HS3ST4: variants seen among roughly 807,000 people sequenced by gnomAD.
The protein encoded by HS3ST4 is heparan sulfate-glucosamine 3-sulfotransferase 4.
In HS3ST4, 17 loss-of-function variants were observed where a neutral mutation model predicts 29.2. The ratio of observed to expected loss-of-function variants is 0.58; its 90% CI spans 0.40 to 0.87. The LOEUF is 0.87. HS3ST4 is among the 40% of genes least tolerant of loss of function. The pLI, the probability that HS3ST4 is intolerant of heterozygous loss-of-function variation, is 0.00. For synonymous variants in HS3ST4, 314 were observed against 285.7 expected (o/e 1.10, Z -1.00); for missense variants, 627 against 634.5 (o/e 0.99, Z 0.13).
intron 1 of HS3ST4, among the ~76,000 whole-genome samples, chr16:26,081,786 C>CTTTTTTT (rs56169806): frequency 2.4e-5 from 2 of 84,966 alleles, no homozygotes; most frequent in African/African-American, 4.6e-5. Flanking sequence ...GGAGTACATT[C>CTTTTTTT]TTTTTTTTTT....
intron 1 of HS3ST4, among the ~76,000 whole-genome samples, chr16:25,734,902 A>G (rs1400236708): frequency 6.6e-6 from 1 of 152,306 alleles, no homozygotes; most frequent in African/African-American, 2.4e-5. Context: ...TGCTTCCCAC[A>G]TCATTCCTCC....
intron 1 of HS3ST4, among the ~76,000 whole-genome samples, chr16:25,741,365 T>TAAAAAA (rs66788248): frequency 3.0e-4 from 20 of 66,184 alleles, no homozygotes; most frequent in East Asian, 1.2e-3. Flanking sequence ...GAATTCAAGG[T>TAAAAAA]AAAAAAAAAA....
chr16:25,726,952 C>CTGA (rs1477175047), intron 1 of HS3ST4, among the ~76,000 whole-genome samples: 1 of 152,106 alleles, frequency 6.6e-6, no homozygotes, highest in Non-Finnish European at 1.5e-5. Flanking sequence ...CATGGATTCA[C>CTGA]TGATTCTCAG....
intron 1 of HS3ST4, among the ~76,000 whole-genome samples, chr16:25,714,394 T>C (rs1183761079): frequency 6.6e-6 from 1 of 152,178 alleles, no homozygotes; most frequent in East Asian, 1.9e-4. Context: ...CGAGAAGTTA[T>C]CCAGAGTGAA....
intron 1 of HS3ST4, among the ~76,000 whole-genome samples, chr16:26,108,888 G>C (rs965527578): frequency 6.6e-6 from 1 of 152,086 alleles, no homozygotes; most frequent in Admixed American, 6.5e-5. Context: ...ATGAATAAAC[G>C]TATGTTAGGT....
intron 1 of HS3ST4, among the ~76,000 whole-genome samples, chr16:25,784,430 A>C (rs1966855452): frequency 1.3e-5 from 2 of 152,218 alleles, no homozygotes. Flanking sequence ...CAATTAACCA[A>C]GTTGTGAGTG....
intron 1 of HS3ST4, among the ~76,000 whole-genome samples, chr16:25,983,608 G>A (rs1363690192): frequency 1.3e-5 from 2 of 152,206 alleles, no homozygotes; most frequent in Non-Finnish European, 2.9e-5. Context: ...CGTGGTGGAT[G>A]CTTGAGTCCC....
intron 1 of HS3ST4, among the ~76,000 whole-genome samples, chr16:25,796,403 G>A (rs1352410967): frequency 1.3e-5 from 2 of 152,146 alleles, no homozygotes; most frequent in Non-Finnish European, 2.9e-5. Flanking sequence ...ATTATTGCTT[G>A]TAGTGGGAGT....
chr16:26,010,477 G>GA (rs561429182), intron 1 of HS3ST4, among the ~76,000 whole-genome samples: 27 of 145,118 alleles, frequency 1.9e-4, no homozygotes, highest in South Asian at 2.2e-4. Flanking sequence ...AAAGGAAAAA[G>GA]AAAAAAAAAA....
chr16:25,716,647 T>C (rs1966456171), intron 1 of HS3ST4, among the ~76,000 whole-genome samples: 1 of 152,264 alleles, frequency 6.6e-6, no homozygotes, highest in South Asian at 2.1e-4. Context: ...TTAATTGTAA[T>C]GGATACATCT....
intron 1 of HS3ST4, among the ~76,000 whole-genome samples, chr16:25,929,332 C>T (rs998466560): frequency 6.6e-6 from 1 of 151,902 alleles, no homozygotes; most frequent in Non-Finnish European, 1.5e-5. Flanking sequence ...CACCACTGCA[C>T]TCCAGCCTGG....
chr16:25,934,178 A>G (rs1208441317), intron 1 of HS3ST4, among the ~76,000 whole-genome samples: 3 of 152,196 alleles, frequency 2.0e-5, no homozygotes, highest in Admixed American at 6.5e-5. Flanking sequence ...TAGTCCTCTG[A>G]ATACTGGCAA....
intron 1 of HS3ST4, among the ~76,000 whole-genome samples, chr16:25,822,159 TA>T (rs1967164269): frequency 6.6e-6 from 1 of 152,142 alleles, no homozygotes; most frequent in Non-Finnish European, 1.5e-5. Context: ...CAAAACACTG[TA>T]AACCTTGTGG....
chr16:25,792,289 T>C (rs1314023237), intron 1 of HS3ST4, among the ~76,000 whole-genome samples: 1 of 151,974 alleles, frequency 6.6e-6, no homozygotes, highest in African/African-American at 2.4e-5. Flanking sequence ...AGTTTTGGCA[T>C]TAAATTAATG....
chr16:25,716,293 C>T (rs549847112), intron 1 of HS3ST4, among the ~76,000 whole-genome samples: 1 of 152,280 alleles, frequency 6.6e-6, no homozygotes, highest in South Asian at 2.1e-4. Flanking sequence ...TTTTCTTGGG[C>T]ACCTGACAAT....
At chr16:25,844,749 A>C (rs1286911203) in intron 1 of HS3ST4, among the ~76,000 whole-genome samples, 1 of 152,238 alleles carries the variant, frequency 6.6e-6, no homozygotes, top group Admixed American at 6.5e-5. Context: ...AGATGCATGC[A>C]TGTGTATGTT....
At chr16:26,041,683 A>AG (rs1363959037) in intron 1 of HS3ST4, among the ~76,000 whole-genome samples, 2 of 152,170 alleles carry the variant, frequency 1.3e-5, no homozygotes, top group Admixed American at 1.3e-4. Context: ...AGAAAAAAAA[A>AG]TGAGTGTGGT....
At chr16:25,853,042 A>G (rs190781874) in intron 1 of HS3ST4, among the ~76,000 whole-genome samples, 1,901 of 132,548 alleles carry the variant, frequency 0.014, 21 homozygotes, top group Non-Finnish European at 0.02. Flanking sequence ...CACTTGTAAA[A>G]TTACTTTAGC....
chr16:25,863,895 A>G (rs1352431626), intron 1 of HS3ST4, among the ~76,000 whole-genome samples: 2 of 152,250 alleles, frequency 1.3e-5, no homozygotes, highest in Admixed American at 6.5e-5. Context: ...AACAAAAGAA[A>G]TTAATGTTCT....
Sources: gnomAD v4.1 joint callset for allele counts (sites outside exome capture counted in the v4.1 genomes callset) on GRCh38, gnomAD v4.1.1 for gene constraint, MANE v1.5 for transcripts, NCBI Gene and HGNC (gene_info 2026-07-23, HGNC 2026-07-21) for gene names.